Variants in ANKRD18A observed in about 807,000 individuals in gnomAD.
ANKRD18A encodes ankyrin repeat domain-containing protein 18A.
A neutral mutation model predicts 110.6 loss-of-function variants in ANKRD18A; 72 were observed. The observed-to-expected ratio is 0.65, with a 90% CI of 0.54 to 0.79. ANKRD18A has a LOEUF of 0.79. ANKRD18A is among the 30% of genes least tolerant of loss of function. The pLI is 0.00. For missense variants in ANKRD18A, 934 were observed against 1,163.3 expected, an observed-to-expected ratio of 0.80 and a Z score of 2.87; for synonymous variants, 305 against 410.3, an observed-to-expected ratio of 0.74 and a Z score of 3.10.
rs553135086 is a variant in ANKRD18A at position 38,619,172 on chromosome 9, G to A, written c.206+908C>T. On this transcript the variant is annotated intron_variant, in intron 1 of 15. Coordinates refer to ENST00000399703, the MANE Select transcript of ANKRD18A (RefSeq NM_147195.4). ...GCCTTTGTTAACATAAAATGTACCT[G>A]TATAAATAAGTCTTTGCGTTTTCTT... Among the ~76,000 whole-genome samples, 586 of 151,978 alleles carry A rather than the reference G, an allele frequency of 3.9e-3. 3 individuals carry two copies. Among genetic ancestry groups the A allele is most frequent in the South Asian group, 0.011 (55 of 4,824 alleles).
intron 15 of ANKRD18A, among the ~76,000 whole-genome samples, chr9:38,575,093 C>CAA (rs60228502): frequency 4.9e-4 from 63 of 127,444 alleles, no homozygotes; most frequent in African/African-American, 1.5e-3. Flanking sequence ...GACACCATCT[C>CAA]AAAAAAAAAA....
downstream of ANKRD18A, among the ~76,000 whole-genome samples, chr9:38,569,929 G>A (rs1245005389): frequency 6.6e-6 from 1 of 152,170 alleles, no homozygotes; most frequent in Non-Finnish European, 1.5e-5. Flanking sequence ...GGTCTGCCAA[G>A]CAGTGCTGAA....
chr9:38,613,991 T>G (rs189988640), intron 3 of ANKRD18A, among the ~76,000 whole-genome samples: 1 of 152,336 alleles, frequency 6.6e-6, no homozygotes, highest in East Asian at 1.9e-4. Context: ...TGTTATTCTG[T>G]AAGCTGAGCG....
downstream of ANKRD18A, chr9:38,571,095 G>C: frequency 6.6e-7 from 1 of 1,516,424 alleles, no homozygotes; most frequent in South Asian, 1.2e-5. Context: ...CAGACAGCTA[G>C]AAGGCCCTTT....
intron 1 of ANKRD18A, among the ~76,000 whole-genome samples, chr9:38,618,048 G>T (rs1825929982): frequency 6.6e-6 from 1 of 152,034 alleles, no homozygotes; most frequent in Non-Finnish European, 1.5e-5. Context: ...CATAAAATCT[G>T]CAAGCACAGA....
intron 8 of ANKRD18A, 46 bp from the exon 9 acceptor site, chr9:38,596,449 T>C: frequency 3.7e-6 from 5 of 1,341,256 alleles, no homozygotes; most frequent in African/African-American, 1.5e-5. Flanking sequence ...AATAAAATAA[T>C]CTATGATGGT....
intron 3 of ANKRD18A, among the ~76,000 whole-genome samples, chr9:38,612,394 A>T (rs1825658107): frequency 6.6e-6 from 1 of 152,006 alleles, no homozygotes. Flanking sequence ...TATTTTTTTT[A>T]CTTTAGGCAA....
At position 38,607,496 on chromosome 9, in the gene ANKRD18A, A is replaced by G. The variant is rs771307598; in HGVS notation, c.741-3T>C. On this transcript the variant is annotated splice_region_variant and splice_polypyrimidine_tract_variant and intron_variant, in intron 5 of 15. Transcript: ENST00000399703. Reference sequence around the variant, plus strand: ...GTTCCAAAATTTGTTGTCGGATGCTATGCATAATAAACGTAATAAAATTAG... The same window carrying G: ...GTTCCAAAATTTGTTGTCGGATGCTGTGCATAATAAACGTAATAAAATTAG... 2.7e-6 allele frequency: 4 copies of G among 1,461,928 alleles called. No homozygotes were observed. In the South Asian group the frequency reaches 4.1e-5, roughly 15 times the overall value. 90.6% of individuals were successfully genotyped at this position (1,461,928 alleles called of 1,614,324 possible).
At chr9:38,589,652 G>T (rs1423369012) in intron 10 of ANKRD18A, among the ~76,000 whole-genome samples, 2 of 152,182 alleles carry the variant, frequency 1.3e-5, no homozygotes, top group Non-Finnish European at 2.9e-5. Context: ...ACACCCCAAG[G>T]TCTCTCTCTG....
At chr9:38,578,705 C>T (rs1824021239) in intron 12 of ANKRD18A, among the ~76,000 whole-genome samples, 1 of 152,172 alleles carries the variant, frequency 6.6e-6, no homozygotes. Flanking sequence ...AGTGAGACCC[C>T]CATCTCTACA....
chr9:38,577,159 T>C lies in ANKRD18A; in HGVS notation c.2635A>G (p.Lys879Glu). ...ACCTCTTCATAAGCAGTTTTCATTT[T>C]GGAGAATTTACATTCCACATCTTTA... ...TLKDVECKFS[K>E]MKTAYEEVTT... is the part of the protein sequence containing the mutation. Residue 879 changes from lysine (K) to glutamate (E), a missense_variant, in exon 14 of 16, where the codon AAA becomes GAA. Lys to Glu is a moderately conservative substitution (Grantham distance 56). Around this residue, in one of 4 missense-constraint regions of ANKRD18A, gnomAD observed 223 missense variants for 226.7 expected, o/e 0.98. Transcript: ENST00000399703. The C allele has an allele frequency of 6.5e-7, 1 of 1,549,422 alleles. No individual in the cohort carries two copies.
rs1224554146 is a variant in ANKRD18A, at chr9:38,595,525, T to C, written c.1815A>G (p.Glu605=). 6.7e-7 allele frequency: 1 copy of C among 1,503,026 alleles called. No homozygotes were observed. The allele number at this position is 1,503,026 out of a possible 1,614,324, so 93.1% of individuals were successfully genotyped here. The change falls in exon 9 of 16, where the codon GAA becomes GAG. Residue 605 remains glutamate (E), a synonymous_variant. Coordinates refer to ENST00000399703, the MANE Select transcript of ANKRD18A (RefSeq NM_147195.4). ...TTTCTTTTTCACACTGAAGCAGTTT[T>C]TCTTTTAAATAATTATATTCTTTCA... The part of the protein sequence containing the change: ...ELMKEYNYLK[E]KLLQCEKEKA...
intron 8 of ANKRD18A, among the ~76,000 whole-genome samples, chr9:38,599,669 G>A (rs1009325439): frequency 4.6e-5 from 7 of 152,018 alleles, no homozygotes. Context: ...TCTCCATGTT[G>A]GTCAGGCTGG....
chr9:38,596,094 C>G lies in ANKRD18A; in HGVS notation c.1246G>C (p.Glu416Gln). ...EKEKHNKERLEAEVESLHSSL... is the reference protein window; with the variant it reads ...EKEKHNKERLQAEVESLHSSL... ...GAATGGAGGGATTCAACTTCAGCTT[C>G]TAGTCTTTCTTTGTTGTGTTTTTCC... The change falls in exon 9 of 16, where the codon GAA becomes CAA. Residue 416 changes from glutamate (E) to glutamine (Q), a missense_variant. Glu to Gln is a conservative substitution (Grantham distance 29). Coordinates refer to ENST00000399703, the MANE Select transcript of ANKRD18A (RefSeq NM_147195.4). 6.4e-7 allele frequency: 1 copy of G among 1,551,246 alleles called. No individual in the cohort carries two copies. The highest frequency in any genetic ancestry group is 8.7e-7 in the Non-Finnish European group (1 of 1,146,686).
rs554615902 is a variant in ANKRD18A at position 38,607,865 on chromosome 9, C to G, written c.741-372G>C. The stretch of plus-strand genomic sequence containing the variant: ...AAAAAATAAAGGTTTTACTACTTGA[C>G]TTCACTAGGTCATTAGGAAGATGCA... On this transcript the variant is annotated intron_variant, in intron 5 of 15. Coordinates refer to ENST00000399703, the MANE Select transcript of ANKRD18A (RefSeq NM_147195.4). 8.5e-4 allele frequency among the ~76,000 whole-genome samples: 130 copies of G among 152,304 alleles called. 2 individuals carry two copies. The highest frequency in any genetic ancestry group is 3.2e-3 in the Admixed American group (49 of 15,300).
At chr9:38,610,204 A>T in intron 5 of ANKRD18A, 69 bp downstream of exon 5, 1 of 1,439,774 alleles carries the variant, frequency 6.9e-7, no homozygotes, top group South Asian at 1.6e-5. Context: ...CTAATGTATA[A>T]GATGCAATAG....
At chr9:38,617,058 T>C (rs1825887813) in intron 1 of ANKRD18A, among the ~76,000 whole-genome samples, 1 of 152,228 alleles carries the variant, frequency 6.6e-6, no homozygotes, top group Non-Finnish European at 1.5e-5. Context: ...GACACTTAAA[T>C]ACATTTTAAT....
At chr9:38,585,005 T>G (rs1275649003) in intron 12 of ANKRD18A, among the ~76,000 whole-genome samples, 1 of 152,194 alleles carries the variant, frequency 6.6e-6, no homozygotes, top group Non-Finnish European at 1.5e-5. Flanking sequence ...TTGACATATT[T>G]TGAAATGGCT....
intron 3 of ANKRD18A, among the ~76,000 whole-genome samples, chr9:38,613,443 AC>A (rs1437546521): frequency 1.3e-5 from 2 of 151,984 alleles, no homozygotes; most frequent in East Asian, 3.9e-4. Flanking sequence ...TGCATGTGGA[AC>A]TTTTTCTCTG....
Sources: allele counts gnomAD v4.1 joint callset (sites outside exome capture counted in the v4.1 genomes callset), GRCh38; gene constraint gnomAD v4.1.1; regional missense constraint gnomAD v4.1.1; transcripts MANE v1.5; gene names NCBI Gene and HGNC (gene_info 2026-07-23, HGNC 2026-07-21).